Variants in TRIM58 observed in about 807,000 individuals in gnomAD.
TRIM58 encodes tripartite motif containing 58.
In TRIM58, 38 loss-of-function variants were observed where a neutral mutation model predicts 34.1. That is an observed-to-expected ratio of 1.12 (90% CI 0.86 to 1.46). TRIM58 has a LOEUF of 1.46. TRIM58 is among the 40% of genes most tolerant of loss of function. TRIM58 has a pLI of 0.00. For missense variants in TRIM58, 677 were observed against 642.0 expected (o/e 1.05, Z -0.59); for synonymous variants, 273 against 275.7 (o/e 0.99, Z 0.10).
At chr1:247,858,400 A>T (rs1663691251) in intron 1 of TRIM58, among the ~76,000 whole-genome samples, 1 of 152,186 alleles carries the variant, frequency 6.6e-6, no homozygotes, top group Non-Finnish European at 1.5e-5. Flanking sequence ...GTGCCCTTCA[A>T]AAGTTCTTGG....
At chr1:247,866,856 G>A (rs990440931) in intron 3 of TRIM58, among the ~76,000 whole-genome samples, 2 of 151,980 alleles carry the variant, frequency 1.3e-5, no homozygotes, top group African/African-American at 2.4e-5. Context: ...TTCTTCCCTG[G>A]TACTAATAAG....
At chr1:247,871,998 C>A (rs1246547951) in intron 5 of TRIM58, among the ~76,000 whole-genome samples, 1 of 152,178 alleles carries the variant, frequency 6.6e-6, no homozygotes, top group African/African-American at 2.4e-5. Context: ...AAATGAGCGC[C>A]AAGGCCTGAC....
chr1:247,859,826 A>G (rs1663740964), intron 1 of TRIM58, among the ~76,000 whole-genome samples: 1 of 152,016 alleles, frequency 6.6e-6, no homozygotes, highest in African/African-American at 2.4e-5. Context: ...ATATAGAGAA[A>G]TATATGAAAT....
At chr1:247,864,961 G>GC in intron 3 of TRIM58, 26 bp downstream of exon 3, 1 of 1,536,398 alleles carries the variant, frequency 6.5e-7, no homozygotes, top group South Asian at 1.2e-5. Context: ...AGAAAAGCAG[G>GC]CAGATGTGAG....
chr1:247,857,710 G>A, intron 1 of TRIM58, 44 bp downstream of exon 1: 4 of 1,211,244 alleles, frequency 3.3e-6, no homozygotes, highest in Non-Finnish European at 4.1e-6. Context: ...GCGGTGACCG[G>A]GAAGCGGGCG....
intron 5 of TRIM58, among the ~76,000 whole-genome samples, chr1:247,869,319 G>GC (rs897841497): frequency 2.6e-5 from 4 of 152,160 alleles, no homozygotes; most frequent in African/African-American, 7.2e-5. Flanking sequence ...AGGTGGGGGG[G>GC]GGTGAGGCGT....
chr1:247,869,974 G>GAGCCTGCACCACCACGCCCA, intron 5 of TRIM58, among the ~76,000 whole-genome samples: 2 of 152,270 alleles, frequency 1.3e-5, no homozygotes, highest in East Asian at 3.9e-4. Context: ...ATTTTTTGGA[G>GAGCCTGCACCACCACGCCCA]GATTCATTGG....
intron 5 of TRIM58, among the ~76,000 whole-genome samples, chr1:247,873,034 C>T (rs1659184850): frequency 6.6e-6 from 1 of 152,120 alleles, no homozygotes; most frequent in Non-Finnish European, 1.5e-5. Context: ...AGTTCGAGAC[C>T]AGCCTGATCA....
chr1:247,857,660 C>T lies in TRIM58; in HGVS notation c.414C>T (p.Ser138=). The T allele has an allele frequency of 1.6e-6, 2 of 1,230,198 alleles. No individual in the cohort carries two copies. Among genetic ancestry groups the T allele is most frequent in the Non-Finnish European group, 2.0e-6 (2 of 986,852 alleles). The allele number at this position is 1,230,198 out of a possible 1,614,324, so 76.2% of individuals were successfully genotyped here. ...CGCCGCTGCAGGAGGCCGCCGGCAGCTACCAGGTGAGGCGCCCCCCGGCGG... is the reference window on the plus strand; with the variant it reads ...CGCCGCTGCAGGAGGCCGCCGGCAGTTACCAGGTGAGGCGCCCCCCGGCGG... ...RTAPLQEAAG[S]YQVKLQMALE... The change falls in exon 1 of 6, where the codon AGC becomes AGT. Residue 138 remains serine (S), a synonymous_variant. Coordinates refer to ENST00000366481, the MANE Select transcript of TRIM58 (RefSeq NM_015431.4).
rs779446986 is a variant in TRIM58 at position 247,876,345 on chromosome 1, C to T, written c.1317C>T (p.Leu439=). 2.5e-6 allele frequency: 4 copies of T among 1,614,188 alleles called. No individual in the cohort carries two copies. Among genetic ancestry groups the T allele is most frequent in the Non-Finnish European group, 2.5e-6 (3 of 1,180,032 alleles). ...CTTATATCTACACATTCAACCAACT[C>T]TTCTCTGGTCTTCTTCGGCCTTACT... ...DGSYIYTFNQ[L]FSGLLRPYFF... is the part of the protein sequence containing the mutation. Residue 439 remains leucine, a synonymous_variant, in exon 6 of 6, where the codon CTC becomes CTT. Transcript: ENST00000366481.
intron 5 of TRIM58, among the ~76,000 whole-genome samples, chr1:247,874,234 G>T (rs772266250): frequency 8.5e-5 from 13 of 152,196 alleles, no homozygotes; most frequent in Non-Finnish European, 1.8e-4. Context: ...TTCTGGTGAG[G>T]CCTCAGGACA....
intron 5 of TRIM58, among the ~76,000 whole-genome samples, chr1:247,869,980 A>C (rs12123108): frequency 1.3e-5 from 2 of 151,854 alleles, no homozygotes; most frequent in Non-Finnish European, 2.9e-5. Context: ...TGGAGGATTC[A>C]TTGGGCTTGG....
chr1:247,857,617 A>G lies in TRIM58; in HGVS notation c.371A>G (p.His124Arg). ...TGGGTGTGCGACGCCGGCCCCGAGC[A>G]CAGGACGCACCGCACGGCGCCGCTG... The part of the protein sequence containing the change: ...LCWVCDAGPE[H>R]RTHRTAPLQE... Residue 124 changes from histidine (H) to arginine (R), a missense_variant, in exon 1 of 6, where the codon CAC becomes CGC. His to Arg is a conservative substitution (Grantham distance 29). Transcript: ENST00000366481. The G allele has an allele frequency of 8.0e-7, 1 of 1,251,614 alleles. No homozygotes were observed. The allele number at this position is 1,251,614 out of a possible 1,614,324, so 77.5% of individuals were successfully genotyped here.
chr1:247,857,498 G>C lies in TRIM58; in HGVS notation c.252G>C (p.Arg84=). The part of the protein sequence containing the change: ...QLAGLVESVR[R]LGLGAGPGAR... ...CGGGCCTGGTGGAGAGCGTGCGGCG[G>C]CTGGGGTTGGGCGCGGGGCCCGGGG... Residue 84 remains arginine, a synonymous_variant, in exon 1 of 6, where the codon CGG becomes CGC. Transcript: ENST00000366481. 1 of 1,303,242 alleles carries C rather than the reference G, an allele frequency of 7.7e-7. No homozygotes were observed. Among genetic ancestry groups the C allele is most frequent in the Non-Finnish European group, 9.7e-7 (1 of 1,027,512 alleles). The allele number at this position is 1,303,242 out of a possible 1,614,324, so 80.7% of individuals were successfully genotyped here.
intron 2 of TRIM58, among the ~76,000 whole-genome samples, chr1:247,862,297 T>C (rs1229383683): frequency 1.3e-5 from 2 of 152,342 alleles, no homozygotes; most frequent in Non-Finnish European, 2.9e-5. Context: ...TTAACGTTGA[T>C]ACTGACAAAC....
intron 5 of TRIM58, among the ~76,000 whole-genome samples, chr1:247,874,853 G>A (rs1328257909): frequency 1.3e-5 from 2 of 151,670 alleles, no homozygotes; most frequent in Non-Finnish European, 2.9e-5. Context: ...GTCGGGGGAA[G>A]AACCTTACCT....
chr1:247,858,401 A>G (rs538447185), intron 1 of TRIM58, among the ~76,000 whole-genome samples: 1 of 152,284 alleles, frequency 6.6e-6, no homozygotes, highest in East Asian at 1.9e-4. Context: ...TGCCCTTCAA[A>G]AGTTCTTGGA....
intron 3 of TRIM58, among the ~76,000 whole-genome samples, chr1:247,865,591 C>G (rs1163113107): frequency 6.6e-6 from 1 of 152,138 alleles, no homozygotes; most frequent in Non-Finnish European, 1.5e-5. Context: ...CCAGGCATGG[C>G]GAGGAGGGAT....
At chr1:247,860,809 G>A in intron 2 of TRIM58, 97 bp downstream of exon 2, 2 of 951,462 alleles carry the variant, frequency 2.1e-6, no homozygotes, top group Admixed American at 4.1e-5. Context: ...CAGCACTTTT[G>A]TTCCATCTCC....
Sources: allele counts gnomAD v4.1 joint callset (sites outside exome capture counted in the v4.1 genomes callset), GRCh38; gene constraint gnomAD v4.1.1; transcripts MANE v1.5; gene names NCBI Gene and HGNC (gene_info 2026-07-23, HGNC 2026-07-21).